Variants in GRIK1 observed in about 807,000 individuals in gnomAD.
GRIK1 encodes glutamate ionotropic receptor kainate type subunit 1.
GRIK1 carries 69 observed loss-of-function variants against 105.7 expected under a neutral mutation model. The observed-to-expected ratio is 0.65, with a 90% confidence interval of 0.54 to 0.80. The LOEUF (loss-of-function observed/expected upper bound fraction) is 0.80. Ranked by LOEUF, GRIK1 falls within the 30% of genes least tolerant of loss-of-function variation. The pLI, the probability that GRIK1 is intolerant of heterozygous loss-of-function variation, is 0.00. For missense variants in GRIK1, 1,109 were observed against 1,167.3 expected (o/e 0.95, Z 0.73); for synonymous variants, 438 against 431.3 (o/e 1.02, Z -0.19).
chr21:29,626,707 A>G (rs2062140357), intron 7 of GRIK1, among the ~76,000 whole-genome samples: 1 of 152,128 alleles, frequency 6.6e-6, no homozygotes, highest in Admixed American at 6.5e-5. Flanking sequence ...GTGGATGTCA[A>G]TGTTTAGCAC....
chr21:29,719,323 C>T (rs937208770), intron 1 of GRIK1, among the ~76,000 whole-genome samples: 2 of 151,732 alleles, frequency 1.3e-5, no homozygotes, highest in Non-Finnish European at 2.9e-5. Context: ...CTATCACCCA[C>T]CCAAGACTTG....
intron 1 of GRIK1, among the ~76,000 whole-genome samples, chr21:29,715,920 C>G (rs2064166509): frequency 6.6e-6 from 1 of 151,906 alleles, no homozygotes; most frequent in Non-Finnish European, 1.5e-5. Context: ...ATGTCCCCAC[C>G]CATATCTCAT....
intron 1 of GRIK1, among the ~76,000 whole-genome samples, chr21:29,725,134 C>G (rs2064423893): frequency 6.6e-6 from 1 of 152,124 alleles, no homozygotes; most frequent in Non-Finnish European, 1.5e-5. Flanking sequence ...TCATTGAATG[C>G]TCAACTGCAA....
chr21:29,868,787 G>GA (rs986131041), intron 1 of GRIK1, among the ~76,000 whole-genome samples: 1 of 151,428 alleles, frequency 6.6e-6, no homozygotes, highest in Non-Finnish European at 1.5e-5. Flanking sequence ...AAACAGCTTT[G>GA]AAAAGGTTTC....
chr21:29,835,467 C>T (rs1322370552), intron 1 of GRIK1, among the ~76,000 whole-genome samples: 1 of 152,170 alleles, frequency 6.6e-6, no homozygotes, highest in African/African-American at 2.4e-5. Flanking sequence ...TGCTCTGAGA[C>T]TGTTCATCAA....
At chr21:29,654,904 TATA>T (rs1476602071) in intron 4 of GRIK1, 41 bp from the exon 5 acceptor site, 2 of 1,178,086 alleles carry the variant, frequency 1.7e-6, no homozygotes, top group Non-Finnish European at 2.6e-6. Context: ...GGAACAGAAT[TATA>T]ATAAGAATGG....
At chr21:29,782,146 G>T (rs1047070168) in intron 1 of GRIK1, among the ~76,000 whole-genome samples, 2 of 149,806 alleles carry the variant, frequency 1.3e-5, no homozygotes, top group African/African-American at 4.9e-5. Context: ...GAGTGCAGTG[G>T]CGCGATCTCG....
chr21:29,923,152 T>C (rs1602057090), intron 1 of GRIK1, among the ~76,000 whole-genome samples: 2 of 152,186 alleles, frequency 1.3e-5, no homozygotes, highest in Non-Finnish European at 2.9e-5. Flanking sequence ...TGAAATATAA[T>C]GCTAATTTGG....
intron 1 of GRIK1, among the ~76,000 whole-genome samples, chr21:29,873,192 T>C (rs1383673217): frequency 1.3e-5 from 2 of 152,214 alleles, no homozygotes; most frequent in Non-Finnish European, 2.9e-5. Flanking sequence ...AACCCAGGTT[T>C]GTGGAGATAT....
chr21:29,671,404 AT>A (rs546244357), intron 4 of GRIK1, among the ~76,000 whole-genome samples: 16,914 of 141,980 alleles, frequency 0.12, 2,385 homozygotes, highest in African/African-American at 0.35. Context: ...TTTAAATAGA[AT>A]TTTTTTTTTT....
intron 1 of GRIK1, among the ~76,000 whole-genome samples, chr21:29,876,623 A>G (rs1036441356): frequency 1.3e-5 from 2 of 152,202 alleles, no homozygotes; most frequent in Admixed American, 6.5e-5. Context: ...GATTACACCC[A>G]CGTTATCCTA....
chr21:29,866,273 G>T (rs2068798592), intron 1 of GRIK1, among the ~76,000 whole-genome samples: 1 of 152,020 alleles, frequency 6.6e-6, no homozygotes, highest in Non-Finnish European at 1.5e-5. Flanking sequence ...TTTTTGTAGA[G>T]ACAGGGTCTT....
intron 1 of GRIK1, chr21:29,748,751 C>T (rs2065108125): frequency 1.3e-5 from 2 of 152,240 alleles, no homozygotes; most frequent in African/African-American, 4.8e-5. Flanking sequence ...AACAATTGCT[C>T]TTCTCCTTGC....
At chr21:29,691,459 T>C (rs1042861078) in intron 2 of GRIK1, among the ~76,000 whole-genome samples, 1 of 152,208 alleles carries the variant, frequency 6.6e-6, no homozygotes, top group Non-Finnish European at 1.5e-5. Context: ...AGAAGTTAAG[T>C]TACCAGTTAT....
intron 1 of GRIK1, among the ~76,000 whole-genome samples, chr21:29,846,178 G>C (rs761827524): frequency 2.2e-4 from 31 of 143,612 alleles, no homozygotes; most frequent in Admixed American, 1.2e-3. Context: ...ATCACCTGAG[G>C]TTGGGAGTTC....
intron 1 of GRIK1, among the ~76,000 whole-genome samples, chr21:29,754,048 C>G (rs1017616138): frequency 2.0e-5 from 3 of 152,034 alleles, no homozygotes; most frequent in Admixed American, 6.6e-5. Context: ...CTGCAGTATG[C>G]GGACCAGTCT....
At chr21:29,619,289 T>A (rs560306175) in intron 7 of GRIK1, among the ~76,000 whole-genome samples, 76 of 151,564 alleles carry the variant, frequency 5.0e-4, no homozygotes, top group African/African-American at 1.7e-3. Context: ...ATAGAAAAAT[T>A]AGCCGGGTCT....
chr21:29,839,034 A>G (rs2067891931), intron 1 of GRIK1, among the ~76,000 whole-genome samples: 1 of 136,388 alleles, frequency 7.3e-6, no homozygotes, highest in African/African-American at 2.9e-5. Flanking sequence ...ATATCATACT[A>G]TAGGGATTTC....
intron 1 of GRIK1, among the ~76,000 whole-genome samples, chr21:29,936,015 C>G (rs972891106): frequency 2.6e-5 from 4 of 152,182 alleles, no homozygotes; most frequent in African/African-American, 9.6e-5. Context: ...TGAGCTCTTA[C>G]CAATGACACT....
Sources: gnomAD v4.1 joint callset for allele counts (sites outside exome capture counted in the v4.1 genomes callset) on GRCh38, gnomAD v4.1.1 for gene constraint, MANE v1.5 for transcripts, NCBI Gene and HGNC (gene_info 2026-07-23, HGNC 2026-07-21) for gene names.